Variants in HAPLN3 observed in about 807,000 individuals in gnomAD.
HAPLN3 encodes hyaluronan and proteoglycan link protein 3.
Under a neutral mutation model 28.1 loss-of-function variants are expected in HAPLN3, and 28 were observed. The ratio of observed to expected loss-of-function variants is 1.00; its 90% CI spans 0.74 to 1.37. HAPLN3 has a LOEUF of 1.37. Ranked by LOEUF, HAPLN3 falls within the 40% of genes most tolerant of loss-of-function variation. The pLI is 0.00. For synonymous variants in HAPLN3, 211 were observed against 213.1 expected, an observed-to-expected ratio of 0.99 and a Z score of 0.09; for missense variants, 513 against 504.6, an observed-to-expected ratio of 1.02 and a Z score of -0.16.
In HAPLN3 at chr15:88,879,836, C is replaced by T; in HGVS notation, c.494-567G>A. On this transcript the variant is annotated intron_variant, in intron 3 of 4. Coordinates refer to ENST00000359595, the MANE Select transcript of HAPLN3 (RefSeq NM_178232.4). The surrounding 1 kb of genome is among the most constrained non-coding windows in gnomAD (Gnocchi z 5.0). ...AGGTCTGGGGCAGGCGGTTTCTCTCCTTGTGGTCAGGGTCTGATAGAGGCC... is the reference window on the plus strand; with the variant it reads ...AGGTCTGGGGCAGGCGGTTTCTCTCTTTGTGGTCAGGGTCTGATAGAGGCC... 1 of 1,073,270 alleles carries T rather than the reference C, an allele frequency of 9.3e-7. No homozygotes were observed. The highest frequency in any genetic ancestry group is 4.9e-5 in the Admixed American group (1 of 20,614). The allele number at this position is 1,073,270 out of a possible 1,614,324, so 66.5% of individuals were successfully genotyped here.
chr15:88,879,528 C>T lies in HAPLN3; in HGVS notation c.494-259G>A. Reference sequence around the variant, plus strand: ...AGTCCATTAATGTCCCCAACAATGTCCCCAACCTAATCCGCAAGGCTGTCG... The same window carrying T: ...AGTCCATTAATGTCCCCAACAATGTTCCCAACCTAATCCGCAAGGCTGTCG... On this transcript the variant is annotated intron_variant, in intron 3 of 4. Transcript: ENST00000359595. This position sits in a 1 kb window ranked among gnomAD's most constrained non-coding sequence, Gnocchi z 5.0. The T allele has an allele frequency of 5.4e-6, 8 of 1,480,086 alleles. No homozygotes were observed. The highest frequency in any genetic ancestry group is 7.2e-6 in the Non-Finnish European group (8 of 1,111,128). 91.7% of individuals were successfully genotyped at this position (1,480,086 alleles called of 1,614,324 possible). A position where few individuals can be genotyped will look rare whatever the true frequency, so the allele number is the denominator to read the frequency against.
At chr15:88,887,110 A>T in intron 2 of HAPLN3, 65 bp downstream of exon 2, 1 of 1,567,816 alleles carries the variant, frequency 6.4e-7, no homozygotes, top group Non-Finnish European at 8.8e-7. Flanking sequence ...CTCAGATCAC[A>T]GCAAGAGCCA....
chr15:88,890,145 AAC>A (rs745400713), intron 1 of HAPLN3, among the ~76,000 whole-genome samples: 37 of 152,286 alleles, frequency 2.4e-4, no homozygotes, highest in Admixed American at 5.2e-4. Flanking sequence ...TTGTTTCCAG[AAC>A]AGTTAGGAGC....
chr15:88,877,920 CAAT>C lies in HAPLN3; in HGVS notation c.*47_*49del. 6.6e-7 allele frequency: 1 copy of C among 1,517,412 alleles called. No individual in the cohort carries two copies. The highest frequency in any genetic ancestry group is 8.9e-7 in the Non-Finnish European group (1 of 1,129,062). 94.0% of individuals were successfully genotyped at this position (1,517,412 alleles called of 1,614,324 possible). A position where few individuals can be genotyped will look rare whatever the true frequency, so the allele number is the denominator to read the frequency against. The stretch of plus-strand genomic sequence containing the variant: ...AACCCACAAGGGAAAACGAACCACT[CAAT>C]AAATACACAGCCAGTGAGGGAATGC... On this transcript the variant is annotated 3_prime_UTR_variant, in exon 5 of 5. Coordinates refer to ENST00000359595, the MANE Select transcript of HAPLN3 (RefSeq NM_178232.4). The surrounding 1 kb of genome is among the most constrained non-coding windows in gnomAD (Gnocchi z 5.1).
In HAPLN3 at chr15:88,881,719, A is replaced by C. The variant is rs771136193; in HGVS notation, c.131T>G (p.Leu44Arg). ...CTCCACCACCAGCTTCACTCCATTAAGGAGGTCTTGGGGGAGAGACAGGGT... is the reference window on the plus strand; with the variant it reads ...CTCCACCACCAGCTTCACTCCATTACGGAGGTCTTGGGGGAGAGACAGGGT... ...NLGNGHGKDL[L>R]NGVKLVVETP... Residue 44 changes from leucine to arginine, a missense_variant, in exon 3 of 5, where the codon CTT (leucine) becomes CGT (arginine). Transcript: ENST00000359595. This position sits in a 1 kb window ranked among gnomAD's most constrained non-coding sequence, Gnocchi z 6.0. The C allele has an allele frequency of 6.2e-7, 1 of 1,609,830 alleles. No individual in the cohort carries two copies. The highest frequency in any genetic ancestry group is 2.2e-5 in the East Asian group (1 of 44,822).
chr15:88,893,456 T>G (rs191517491), intron 1 of HAPLN3, among the ~76,000 whole-genome samples: 1 of 150,962 alleles, frequency 6.6e-6, no homozygotes. Flanking sequence ...TTATAGAAGA[T>G]GTATGATGTC....
intron 2 of HAPLN3, among the ~76,000 whole-genome samples, chr15:88,885,930 A>G (rs998266435): frequency 6.6e-6 from 1 of 152,124 alleles, no homozygotes; most frequent in Non-Finnish European, 1.5e-5. Flanking sequence ...GGACAACTGG[A>G]TCAACTCTCT....
In HAPLN3 at chr15:88,879,884, C is replaced by T. The variant is rs924123332; in HGVS notation, c.494-615G>A. On this transcript the variant is annotated intron_variant, in intron 3 of 4. Coordinates refer to ENST00000359595, the MANE Select transcript of HAPLN3 (RefSeq NM_178232.4). This position sits in a 1 kb window ranked among gnomAD's most constrained non-coding sequence, Gnocchi z 5.0. The stretch of plus-strand genomic sequence containing the variant: ...GCCACAGGCCCTGAAAAGATATGTT[C>T]GTGTTTGAAATTTTACTCTAATAAA... 23 of 1,014,388 alleles carry T rather than the reference C, an allele frequency of 2.3e-5. No individual in the cohort carries two copies. Among genetic ancestry groups the T allele is most frequent in the Non-Finnish European group, 2.6e-5 (22 of 847,336 alleles). 62.8% of individuals were successfully genotyped at this position (1,014,388 alleles called of 1,614,324 possible).
At position 88,888,138 on chromosome 15, in the gene HAPLN3, G is replaced by T. The variant is rs1224002187; in HGVS notation, c.-47-793C>A. 2.1e-5 allele frequency among the ~76,000 whole-genome samples: 3 copies of T among 143,608 alleles called. No individual in the cohort carries two copies. The highest frequency in any genetic ancestry group is 7.0e-5 in the Admixed American group (1 of 14,282). 94.2% of individuals were successfully genotyped at this position (143,608 alleles called of 152,430 possible). On this transcript the variant is annotated intron_variant, in intron 1 of 4. Coordinates refer to ENST00000359595, the MANE Select transcript of HAPLN3 (RefSeq NM_178232.4). The surrounding 1 kb of genome is among the most constrained non-coding windows in gnomAD (Gnocchi z 4.1). ...TTTTTTTGAGACAGAGTCTCGCTCT[G>T]TCGCCCAGGCTGGAGTGGAGGTTGC...
intron 2 of HAPLN3, among the ~76,000 whole-genome samples, chr15:88,885,707 G>A (rs191130271): frequency 2.6e-3 from 390 of 152,106 alleles, no homozygotes; most frequent in South Asian, 0.013. Flanking sequence ...CATCCACCTC[G>A]GCCTCCTTAA....
At chr15:88,883,083 A>G (rs906679997) in intron 2 of HAPLN3, among the ~76,000 whole-genome samples, 1 of 152,254 alleles carries the variant, frequency 6.6e-6, no homozygotes, top group African/African-American at 2.4e-5. Flanking sequence ...CAGGAGACAG[A>G]CAGGGAGGTT....
Position 88,879,295 on chromosome 15 carries a change from AG to A in HAPLN3, c.494-27del, listed in dbSNP as rs2141655789. The A allele has an allele frequency of 2.5e-6, 4 of 1,604,528 alleles. No individual in the cohort carries two copies. Among genetic ancestry groups the A allele is most frequent in the Non-Finnish European group, 8.5e-7 (1 of 1,177,410 alleles). The stretch of plus-strand genomic sequence containing the variant: ...CTGCAGGGGAAGGAAAGAGGAGCTT[AG>A]GGGGTGGCCAGGGGCCCAGCTGGCT... On this transcript the variant is annotated intron_variant, in intron 3 of 4. Coordinates refer to ENST00000359595, the MANE Select transcript of HAPLN3 (RefSeq NM_178232.4). The surrounding 1 kb of genome is among the most constrained non-coding windows in gnomAD (Gnocchi z 5.0).
At chr15:88,887,891 A>G (rs945637518) in intron 1 of HAPLN3, among the ~76,000 whole-genome samples, 1 of 151,936 alleles carries the variant, frequency 6.6e-6, no homozygotes. Flanking sequence ...TGAACCCAGG[A>G]GGCAGAGGTT....
At position 88,879,699 on chromosome 15, in the gene HAPLN3, T is replaced by C; in HGVS notation, c.494-430A>G. The C allele has an allele frequency of 1.7e-6, 2 of 1,177,158 alleles. No individual in the cohort carries two copies. The highest frequency in any genetic ancestry group is 2.1e-6 in the Non-Finnish European group (2 of 936,500). The allele number at this position is 1,177,158 out of a possible 1,614,324, so 72.9% of individuals were successfully genotyped here. A position where few individuals can be genotyped will look rare whatever the true frequency, so the allele number is the denominator to read the frequency against. ...TGAATGTGGAAATTTCCTAGGAAAA[T>C]GCAAGGAACTTTCCACGTGTGGCAG... is the stretch of plus-strand genomic sequence containing the variant. On this transcript the variant is annotated intron_variant, in intron 3 of 4. Transcript: ENST00000359595. This position sits in a 1 kb window ranked among gnomAD's most constrained non-coding sequence, Gnocchi z 5.0.
chr15:88,877,607 G>C lies in HAPLN3; in HGVS notation c.*363C>G, dbSNP rs1165533848. On this transcript the variant is annotated 3_prime_UTR_variant, in exon 5 of 5. Transcript: ENST00000359595. The surrounding 1 kb of genome is among the most constrained non-coding windows in gnomAD (Gnocchi z 5.1). ...CCCTCTTCTTCCCCCAGGCTGAGGGGCAGGGAGAACTGTGCCCACCATGCC... is the reference window on the plus strand; with the variant it reads ...CCCTCTTCTTCCCCCAGGCTGAGGGCCAGGGAGAACTGTGCCCACCATGCC... 5.2e-6 allele frequency: 1 copy of C among 190,690 alleles called. No individual in the cohort carries two copies. The highest frequency in any genetic ancestry group is 1.4e-4 in the East Asian group (1 of 7,010). 11.8% of individuals were successfully genotyped at this position (190,690 alleles called of 1,614,324 possible). A position where few individuals can be genotyped will look rare whatever the true frequency, so the allele number is the denominator to read the frequency against.
chr15:88,880,054 G>A lies in HAPLN3; in HGVS notation c.494-785C>T, dbSNP rs764672893. 39 of 993,806 alleles carry A rather than the reference G, an allele frequency of 3.9e-5. No individual in the cohort carries two copies. Among genetic ancestry groups the A allele is most frequent in the Non-Finnish European group, 4.5e-5 (38 of 835,274 alleles). The allele number at this position is 993,806 out of a possible 1,614,324, so 61.6% of individuals were successfully genotyped here. ...GGAACAGCCTGAGCCCCAAACCTCC[G>A]ATCTCACCAGGGCCGGAAGCCAGGC... On this transcript the variant is annotated intron_variant, in intron 3 of 4. Transcript: ENST00000359595. This position sits in a 1 kb window ranked among gnomAD's most constrained non-coding sequence, Gnocchi z 6.0.
chr15:88,893,920 C>T (rs893553414), intron 1 of HAPLN3, among the ~76,000 whole-genome samples: 1 of 131,450 alleles, frequency 7.6e-6, no homozygotes, highest in Non-Finnish European at 1.5e-5. Context: ...AAGAGTGAGA[C>T]TCCATCTCAA....
chr15:88,883,401 C>G (rs1440022299), intron 2 of HAPLN3, among the ~76,000 whole-genome samples: 1 of 152,202 alleles, frequency 6.6e-6, no homozygotes. Context: ...CCAGGGAAGT[C>G]AAGACTCAGC....
chr15:88,879,572 T>C lies in HAPLN3; in HGVS notation c.494-303A>G, dbSNP rs1472226670. On this transcript the variant is annotated intron_variant, in intron 3 of 4. Transcript: ENST00000359595. This position sits in a 1 kb window ranked among gnomAD's most constrained non-coding sequence, Gnocchi z 5.0. ...GCTGTCGCCAGACCCCCAGTGAGGCTGTGCCATCTTCTCCAGACAGGCCCG... is the reference window on the plus strand; with the variant it reads ...GCTGTCGCCAGACCCCCAGTGAGGCCGTGCCATCTTCTCCAGACAGGCCCG... 1.5e-6 allele frequency: 2 copies of C among 1,375,492 alleles called. No homozygotes were observed. The highest frequency in any genetic ancestry group is 1.9e-6 in the Non-Finnish European group (2 of 1,044,150). The allele number at this position is 1,375,492 out of a possible 1,614,324, so 85.2% of individuals were successfully genotyped here.
Sources: gnomAD v4.1 joint callset for allele counts (sites outside exome capture counted in the v4.1 genomes callset) on GRCh38, gnomAD v4.1.1 for gene constraint, Gnocchi (gnomAD v3.1) non-coding constraint, MANE v1.5 for transcripts, NCBI Gene and HGNC (gene_info 2026-07-23, HGNC 2026-07-21) for gene names.